The following CHI3L1 variants were observed in gnomAD, a reference collection of about 807,000 sequenced individuals.
The protein encoded by CHI3L1 is chitinase 3 like 1, also known as chitinase-3-like protein 1.
In CHI3L1, 30 loss-of-function variants were observed where a neutral mutation model predicts 40.7. The ratio of observed to expected loss-of-function variants is 0.74; its 90% CI spans 0.55 to 1.00. The LOEUF is 1.00. Among genes scored for constraint, CHI3L1 ranks in the 50% least tolerant of loss-of-function variants. The probability of loss-of-function intolerance (pLI) is 0.00; values close to 1 mark genes in which losing one functional copy is unlikely to be tolerated. For synonymous variants in CHI3L1, 210 were observed against 192.1 expected (o/e 1.09, Z -0.77); for missense variants, 493 against 492.2 (o/e 1.00, Z -0.01).
At chr1:203,185,118 G>A (rs1571829600) in intron 3 of CHI3L1, 66 bp downstream of exon 3, 1 of 1,394,036 alleles carries the variant, frequency 7.2e-7, no homozygotes, top group East Asian at 2.3e-5. Context: ...TTCCTCCTGG[G>A]TGGGGTTGCC....
Position 203,179,873 on chromosome 1 carries a change from C to G in CHI3L1, c.899G>C (p.Cys300Ser). ...GACTGTGGCTCCGCGGAGGAAGTCACAGATCTGAGCAGATAACAGGGAAAA... is the reference window on the plus strand; with the variant it reads ...GACTGTGGCTCCGCGGAGGAAGTCAGAGATCTGAGCAGATAACAGGGAAAA... ...EAGTLAYYEI[C>S]DFLRGATVHR... The change falls in exon 9 of 10, where the codon TGT (cysteine) becomes TCT (serine). Residue 300 changes from cysteine to serine, a missense_variant. Transcript: ENST00000255409. The G allele has an allele frequency of 1.2e-6, 2 of 1,613,954 alleles. No homozygotes were observed. The highest frequency in any genetic ancestry group is 1.7e-6 in the Non-Finnish European group (2 of 1,179,850).
chr1:203,182,840 C>T lies in CHI3L1; in HGVS notation c.478G>A (p.Glu160Lys), dbSNP rs756333681. ...CCTGGCTGGGCTTCCTTTATAAATT[C>T]GGCCTTCATTTCCTAGATGGGAGAC... is the stretch of plus-strand genomic sequence containing the variant. ...FTTLIKEMKA[E>K]FIKEAQPGKK... The change falls in exon 6 of 10, where the codon GAA becomes AAA. Residue 160 changes from glutamate to lysine, a missense_variant. Coordinates refer to ENST00000255409, the MANE Select transcript of CHI3L1 (RefSeq NM_001276.4). 29 of 1,613,940 alleles carry T rather than the reference C, an allele frequency of 1.8e-5. No homozygotes were observed. The highest frequency in any genetic ancestry group is 1.0e-4 in the Admixed American group (6 of 59,998).
chr1:203,182,894 G>A, intron 5 of CHI3L1, 42 bp from the exon 6 acceptor site: 1 of 1,609,530 alleles, frequency 6.2e-7, no homozygotes, highest in Admixed American at 1.7e-5. Context: ...GTCCCAAGTG[G>A]CATGAGAGGT....
At chr1:203,186,444 C>CCCCCCGCT in intron 1 of CHI3L1, 99 bp from the exon 2 acceptor site, 3 of 1,497,722 alleles carry the variant, frequency 2.0e-6, no homozygotes, top group South Asian at 1.2e-5. Flanking sequence ...CCACCCCCAC[C>CCCCCCGCT]TCCTGGTTGC....
rs74793122 is a variant in CHI3L1 at position 203,183,758 on chromosome 1, G to A, written c.348C>T (p.Arg116=). 1 of 1,614,080 alleles carries A rather than the reference G, an allele frequency of 6.2e-7. No individual in the cohort carries two copies. The highest frequency in any genetic ancestry group is 8.5e-7 in the Non-Finnish European group (1 of 1,180,040). ...GCGGTACTGACTTGATGAAAGTCCG[G>A]CGACTCTGGGTGTTGGAGGCTATCT... The part of the protein sequence containing the change: ...FSKIASNTQS[R]RTFIKSVPPF... Residue 116 remains arginine (R), a synonymous_variant, in exon 5 of 10, where the codon CGC becomes CGT. Transcript: ENST00000255409.
At chr1:203,180,859 T>C (rs1224628647) in intron 7 of CHI3L1, among the ~76,000 whole-genome samples, 1 of 152,170 alleles carries the variant, frequency 6.6e-6, no homozygotes. Flanking sequence ...GAAGGGGCTA[T>C]TACTATTTGA....
chr1:203,186,430 TC>T (rs1478394057), intron 1 of CHI3L1, 85 bp from the exon 2 acceptor site: 10 of 836,370 alleles, frequency 1.2e-5, no homozygotes, highest in Non-Finnish European at 1.6e-5. Context: ...GAGACCCACC[TC>T]CCCCACCCCC....
At chr1:203,181,111 A>T in intron 7 of CHI3L1, 51 bp downstream of exon 7, 1 of 1,604,020 alleles carries the variant, frequency 6.2e-7, no homozygotes, top group Non-Finnish European at 8.5e-7. Flanking sequence ...GCACTGGCAG[A>T]TGGCAGGTCT....
Position 203,180,656 on chromosome 1 carries a change from G to A in CHI3L1, c.712-4C>T. 6.4e-7 allele frequency: 1 copy of A among 1,564,828 alleles called. No homozygotes were observed. Among genetic ancestry groups the A allele is most frequent in the Non-Finnish European group, 8.7e-7 (1 of 1,149,692 alleles). On this transcript the variant is annotated splice_polypyrimidine_tract_variant and splice_region_variant and intron_variant, in intron 7 of 9. Transcript: ENST00000255409. ...ACATGTACCCCACAGCATAGTCCTG[G>A]GTGGGGTAGGGTGGGAACAACGTGA...
At chr1:203,184,086 T>A (rs541097289) in intron 4 of CHI3L1, among the ~76,000 whole-genome samples, 1 of 152,304 alleles carries the variant, frequency 6.6e-6, no homozygotes, top group East Asian at 1.9e-4. Context: ...CTTGCTGTTG[T>A]GAGGACAACA....
rs1002456083 is a variant in CHI3L1, at chr1:203,186,254, C to T, written c.55+62G>A. 6 of 1,538,260 alleles carry T rather than the reference C, an allele frequency of 3.9e-6. No individual in the cohort carries two copies. The African/African-American group carries it at 6.9e-5, about 18-fold the overall frequency. Reference sequence around the variant, plus strand: ...TCCCTTGGAGCTAAGACCTCCTCCACACCTGCCCTGTGCCCTCGCCACGCC... The same window carrying T: ...TCCCTTGGAGCTAAGACCTCCTCCATACCTGCCCTGTGCCCTCGCCACGCC... On this transcript the variant is annotated intron_variant, in intron 2 of 9. Transcript: ENST00000255409.
At chr1:203,185,979 C>G (rs553070770) in intron 2 of CHI3L1, among the ~76,000 whole-genome samples, 1 of 152,160 alleles carries the variant, frequency 6.6e-6, no homozygotes, top group South Asian at 2.1e-4. Flanking sequence ...GCCTCTAATT[C>G]TGTTTCTCCT....
chr1:203,183,984 G>C (rs1656001805), intron 4 of CHI3L1, among the ~76,000 whole-genome samples, 193 bp from the exon 5 acceptor site: 1 of 152,178 alleles, frequency 6.6e-6, no homozygotes, highest in Non-Finnish European at 1.5e-5. Context: ...TCCAAGTCTG[G>C]CTCTATCACT....
chr1:203,181,125 G>A (rs756125860), intron 7 of CHI3L1, 37 bp downstream of exon 7: 9 of 1,610,100 alleles, frequency 5.6e-6, no homozygotes, highest in East Asian at 2.2e-5. Context: ...CAGGTCTTGC[G>A]GCCCCCTCCT....
intron 3 of CHI3L1, among the ~76,000 whole-genome samples, 157 bp from the exon 4 acceptor site, chr1:203,184,789 A>G (rs1035781845): frequency 1.3e-5 from 2 of 152,182 alleles, no homozygotes; most frequent in African/African-American, 4.8e-5. Flanking sequence ...TGGGAATCCC[A>G]TAGAGATTCA....
At chr1:203,179,944 C>A in intron 8 of CHI3L1, 67 bp from the exon 9 acceptor site, 2 of 1,433,022 alleles carry the variant, frequency 1.4e-6, no homozygotes, top group Non-Finnish European at 1.9e-6. Flanking sequence ...CACCAGGAGA[C>A]GCCACTCTCC....
intron 3 of CHI3L1, 65 bp from the exon 4 acceptor site, chr1:203,184,697 C>A: frequency 2.1e-6 from 3 of 1,438,600 alleles, no homozygotes; most frequent in Non-Finnish European, 2.0e-6. Context: ...CTGGGTGGCC[C>A]CATGTCTGAG....
intron 6 of CHI3L1, 43 bp from the exon 7 acceptor site, chr1:203,181,328 T>G (rs1467077872): frequency 6.2e-7 from 1 of 1,605,616 alleles, no homozygotes; most frequent in East Asian, 2.2e-5. Context: ...AAATTATTAA[T>G]AGAAAAGCTT....
chr1:203,179,391 A>C lies in CHI3L1; in HGVS notation c.*54T>G. ...GGTGATCAGGCTCCCGGCCAGCTGG[A>C]GCCAGAGGGGGACGGGGCATCCTTG... On this transcript the variant is annotated 3_prime_UTR_variant, in exon 10 of 10. Coordinates refer to ENST00000255409, the MANE Select transcript of CHI3L1 (RefSeq NM_001276.4). The C allele has an allele frequency of 6.8e-7, 1 of 1,478,460 alleles. No homozygotes were observed. Among genetic ancestry groups the C allele is most frequent in the Non-Finnish European group, 9.1e-7 (1 of 1,100,812 alleles). The allele number at this position is 1,478,460 out of a possible 1,614,324, so 91.6% of individuals were successfully genotyped here.
Sources: allele counts gnomAD v4.1 joint callset (sites outside exome capture counted in the v4.1 genomes callset), GRCh38; gene constraint gnomAD v4.1.1; transcripts MANE v1.5; gene names NCBI Gene and HGNC (gene_info 2026-07-23, HGNC 2026-07-21).